CELF1: variants seen among roughly 807,000 people sequenced by gnomAD.
The protein encoded by CELF1 is 50 kDa nuclear polyadenylated RNA-binding protein.
Under a neutral mutation model 61.8 loss-of-function variants are expected in CELF1, and 10 were observed. The ratio of observed to expected loss-of-function variants is 0.16; its 90% CI spans 0.10 to 0.27. The LOEUF is 0.27. Among genes scored for constraint, CELF1 ranks in the 10% least tolerant of loss-of-function variants. CELF1 has a pLI of 1.00. For missense variants in CELF1, 380 were observed against 639.1 expected (o/e 0.59, Z 4.37); for synonymous variants, 236 against 225.1 (o/e 1.05, Z -0.43).
At position 47,487,038 on chromosome 11, in the gene CELF1, A is replaced by G. The variant is rs2087783021; in HGVS notation, c.342+121T>C. On this transcript the variant is annotated intron_variant, in intron 5 of 14. Transcript: ENST00000687097. ...CTGCTCCCTTTATGTCTTCCTTTAC[A>G]TCAATTCCTGCAGCAGTTACCTTTT... 9 of 824,684 alleles carry G rather than the reference A, an allele frequency of 1.1e-5. No homozygotes were observed. In the South Asian group the frequency reaches 1.4e-4, roughly 13 times the overall value. 51.1% of individuals were successfully genotyped at this position (824,684 alleles called of 1,614,324 possible). A position where few individuals can be genotyped will look rare whatever the true frequency, so the allele number is the denominator to read the frequency against.
intron 1 of CELF1, among the ~76,000 whole-genome samples, chr11:47,519,676 C>T (rs1305072074): frequency 6.6e-6 from 1 of 151,994 alleles, no homozygotes; most frequent in African/African-American, 2.4e-5. Context: ...TCGAGACCAT[C>T]CTGGCTAACA....
At chr11:47,483,254 G>C (rs1486437888) in intron 8 of CELF1, among the ~76,000 whole-genome samples, 199 bp downstream of exon 8, 1 of 152,072 alleles carries the variant, frequency 6.6e-6, no homozygotes, top group Non-Finnish European at 1.5e-5. Flanking sequence ...GACAAAGTAA[G>C]ACCCCATCTC....
intron 1 of CELF1, 37 bp from the exon 2 acceptor site, chr11:47,500,969 CAG>C (rs1441820283): frequency 2.5e-6 from 1 of 397,838 alleles, no homozygotes; most frequent in Non-Finnish European, 4.4e-6. Context: ...ACTAAACACA[CAG>C]AGTTAACGTT....
At chr11:47,479,125 CA>C (rs373047994) in intron 9 of CELF1, among the ~76,000 whole-genome samples, 173 bp from the exon 10 acceptor site, 1 of 143,394 alleles carries the variant, frequency 7.0e-6, no homozygotes. Flanking sequence ...CAGCACAGGA[CA>C]AAAAAAAAAC....
chr11:47,532,134 G>T (rs922386295), intron 1 of CELF1, among the ~76,000 whole-genome samples: 1 of 151,924 alleles, frequency 6.6e-6, no homozygotes, highest in African/African-American at 2.4e-5. Flanking sequence ...AGGTTCAAGC[G>T]ATTCTCCTGC....
chr11:47,547,090 A>AAAAAAAAAAAAG (rs2096978675), intron 1 of CELF1, among the ~76,000 whole-genome samples: 1 of 145,538 alleles, frequency 6.9e-6, no homozygotes, highest in Non-Finnish European at 1.5e-5. Context: ...AAAAAAAAAA[A>AAAAAAAAAAAAG]AAAGAAAGAA....
chr11:47,535,955 G>T (rs1476026641), intron 1 of CELF1, among the ~76,000 whole-genome samples: 3 of 152,000 alleles, frequency 2.0e-5, no homozygotes, highest in African/African-American at 7.2e-5. Context: ...GTACAGACAG[G>T]GTTTCACTGT....
intron 1 of CELF1, among the ~76,000 whole-genome samples, chr11:47,503,706 C>G (rs1348954219): frequency 6.6e-6 from 1 of 152,144 alleles, no homozygotes; most frequent in Non-Finnish European, 1.5e-5. Flanking sequence ...CCTTTTTGGA[C>G]CTAAATTTCA....
chr11:47,532,803 A>G (rs2096522848), intron 1 of CELF1, among the ~76,000 whole-genome samples: 1 of 152,160 alleles, frequency 6.6e-6, no homozygotes, highest in Non-Finnish European at 1.5e-5. Context: ...CCACCTTCCC[A>G]CTGCTGCAGC....
chr11:47,524,693 C>G (rs1006621830), intron 1 of CELF1: 2 of 152,232 alleles, frequency 1.3e-5, no homozygotes, highest in Admixed American at 6.5e-5. Context: ...CCTGCTGTTG[C>G]TGTACAAATA....
At chr11:47,485,314 G>A (rs1348527075) in intron 6 of CELF1, among the ~76,000 whole-genome samples, 3 of 152,070 alleles carry the variant, frequency 2.0e-5, no homozygotes, top group African/African-American at 7.2e-5. Context: ...CCGAATAGCT[G>A]GGACCACAGG....
intron 1 of CELF1, among the ~76,000 whole-genome samples, chr11:47,527,989 C>T (rs1010665996): frequency 8.5e-5 from 13 of 152,084 alleles, no homozygotes; most frequent in African/African-American, 2.9e-4. Flanking sequence ...CCAGCTACTC[C>T]GGAGGCTGAG....
At chr11:47,546,693 A>G (rs1753446644) in intron 1 of CELF1, among the ~76,000 whole-genome samples, 1 of 152,208 alleles carries the variant, frequency 6.6e-6, no homozygotes, top group Non-Finnish European at 1.5e-5. Context: ...AGCCATTCAT[A>G]TATTATAGGT....
intron 1 of CELF1, among the ~76,000 whole-genome samples, chr11:47,533,092 AT>A (rs111833244): frequency 1.9e-3 from 273 of 143,040 alleles, no homozygotes; most frequent in Middle Eastern, 3.7e-3. Flanking sequence ...CTATCACAGT[AT>A]TTTTTTTTTT....
chr11:47,522,619 G>C (rs1051740981), intron 1 of CELF1, among the ~76,000 whole-genome samples: 5 of 151,946 alleles, frequency 3.3e-5, no homozygotes, highest in Non-Finnish European at 5.9e-5. Context: ...CCTGAGGTCA[G>C]GAGTTCGAGA....
chr11:47,554,229 G>A (rs2097195993), upstream of CELF1, among the ~76,000 whole-genome samples: 1 of 152,042 alleles, frequency 6.6e-6, no homozygotes, highest in Non-Finnish European at 1.5e-5. Context: ...GTACCATATA[G>A]TCCTTAAATT....
chr11:47,546,427 T>C (rs1023334933), intron 1 of CELF1, among the ~76,000 whole-genome samples: 6 of 151,744 alleles, frequency 4.0e-5, no homozygotes, highest in Non-Finnish European at 5.9e-5. Flanking sequence ...CCACCACACC[T>C]GGCTAATTGT....
intron 3 of CELF1, among the ~76,000 whole-genome samples, chr11:47,491,212 G>A (rs2091305848): frequency 1.3e-5 from 2 of 149,572 alleles, no homozygotes; most frequent in African/African-American, 2.5e-5. Context: ...GCCCAGGCTG[G>A]AGTGCAGTGG....
chr11:47,493,965 T>C (rs555844252), intron 3 of CELF1, among the ~76,000 whole-genome samples: 1 of 152,348 alleles, frequency 6.6e-6, no homozygotes, highest in Non-Finnish European at 1.5e-5. Context: ...AGCTACCACA[T>C]CATCCATTTA....
Sources: gnomAD v4.1 joint callset for allele counts (sites outside exome capture counted in the v4.1 genomes callset) on GRCh38, gnomAD v4.1.1 for gene constraint, MANE v1.5 for transcripts, NCBI Gene and HGNC (gene_info 2026-07-23, HGNC 2026-07-21) for gene names.